WRNIP1: variants seen among roughly 807,000 people sequenced by gnomAD.
The protein encoded by WRNIP1 is WRN helicase interacting protein 1.
A neutral mutation model predicts 56.1 loss-of-function variants in WRNIP1; 41 were observed. That is an observed-to-expected ratio of 0.73 (90% CI 0.57 to 0.95). The LOEUF is 0.95. Among genes scored for constraint, WRNIP1 ranks in the 40% least tolerant of loss-of-function variants. WRNIP1 has a pLI of 0.00. For synonymous variants in WRNIP1, 547 were observed against 398.1 expected (o/e 1.37, Z -4.45); for missense variants, 1,170 against 939.4 (o/e 1.25, Z -3.21).
Position 2,765,562 on chromosome 6 carries a change from GCCT to G in WRNIP1, c.-58_-56del. The G allele has an allele frequency of 7.2e-7, 1 of 1,392,508 alleles. No individual in the cohort carries two copies. Among genetic ancestry groups the G allele is most frequent in the South Asian group, 1.5e-5 (1 of 65,944 alleles). The allele number at this position is 1,392,508 out of a possible 1,614,324, so 86.3% of individuals were successfully genotyped here. ...CGGGGCCTAGCGGAGGGCATCGAAG[GCCT>G]CCGCGTGCGCACGGGTTGCTGCGGC... On this transcript the variant is annotated 5_prime_UTR_variant, in exon 1 of 7. Transcript: ENST00000380773.
intron 3 of WRNIP1, chr6:2,774,273 A>C (rs1581137466): frequency 2.0e-6 from 2 of 985,442 alleles, no homozygotes; most frequent in African/African-American, 1.7e-5. Flanking sequence ...CCTTGGATGC[A>C]CTTCCTGTGG....
At position 2,770,146 on chromosome 6, in the gene WRNIP1, T is replaced by C. The variant is rs1765212320; in HGVS notation, c.1041T>C (p.Cys347=). 1 of 1,614,108 alleles carries C rather than the reference T, an allele frequency of 6.2e-7. No homozygotes were observed. Among genetic ancestry groups the C allele is most frequent in the Non-Finnish European group, 8.5e-7 (1 of 1,180,036 alleles). Reference sequence around the variant, plus strand: ...ACACTTTCCTTCCTCACGTGGAATGTGGGACGATCACTCTGATTGGGGCAA... The same window carrying C: ...ACACTTTCCTTCCTCACGTGGAATGCGGGACGATCACTCTGATTGGGGCAA... ...QQDTFLPHVE[C]GTITLIGATT... The change falls in exon 3 of 7, where the codon TGT becomes TGC. Residue 347 remains cysteine, a synonymous_variant. Coordinates refer to ENST00000380773, the MANE Select transcript of WRNIP1 (RefSeq NM_020135.3).
chr6:2,784,943 G>C (rs1033810312), intron 6 of WRNIP1, 64 bp from the exon 7 acceptor site: 1 of 1,581,396 alleles, frequency 6.3e-7, no homozygotes, highest in Admixed American at 1.7e-5. Flanking sequence ...TGTATCAGAA[G>C]GGGCTCTGCA....
chr6:2,782,582 G>A (rs1045274547), intron 4 of WRNIP1, among the ~76,000 whole-genome samples: 2 of 152,234 alleles, frequency 1.3e-5, no homozygotes, highest in African/African-American at 4.8e-5. Flanking sequence ...ACCATCCTCC[G>A]CTTTCTCGTG....
At chr6:2,783,626 C>G in intron 5 of WRNIP1, 65 bp downstream of exon 5, 1 of 252,998 alleles carries the variant, frequency 4.0e-6, no homozygotes, top group South Asian at 1.4e-4. Context: ...CTAACAGTTA[C>G]ATCGTGGCTT....
At chr6:2,768,086 G>T (rs1170686713) in intron 1 of WRNIP1, among the ~76,000 whole-genome samples, 1 of 152,136 alleles carries the variant, frequency 6.6e-6, no homozygotes, top group Non-Finnish European at 1.5e-5. Context: ...TGCTTTACCT[G>T]GGTCTCCTTG....
chr6:2,784,110 G>C (rs1581145079), intron 5 of WRNIP1, among the ~76,000 whole-genome samples: 1 of 152,170 alleles, frequency 6.6e-6, no homozygotes, highest in Non-Finnish European at 1.5e-5. Flanking sequence ...TATCCACAAG[G>C]AAACAGTTCT....
chr6:2,770,056 A>G, intron 2 of WRNIP1, 64 bp from the exon 3 acceptor site: 1 of 1,603,104 alleles, frequency 6.2e-7, no homozygotes, highest in East Asian at 2.2e-5. Context: ...TAGCCAACTT[A>G]CATAGGATTC....
At chr6:2,773,681 C>G (rs1765363893) in intron 3 of WRNIP1, 1 of 985,328 alleles carries the variant, frequency 1.0e-6, no homozygotes. Context: ...AAAAAGTAAG[C>G]TAGCATTTCG....
Position 2,773,805 on chromosome 6 carries a change from C to CAA in WRNIP1, c.1256+3445_1256+3446dup, listed in dbSNP as rs1765368563. 5.1e-6 allele frequency: 5 copies of CAA among 984,202 alleles called. No individual in the cohort carries two copies. The South Asian group carries it at 2.4e-4, about 46-fold the overall frequency. The allele number at this position is 984,202 out of a possible 1,614,324, so 61.0% of individuals were successfully genotyped here. A position where few individuals can be genotyped will look rare whatever the true frequency, so the allele number is the denominator to read the frequency against. On this transcript the variant is annotated intron_variant, in intron 3 of 6. Transcript: ENST00000380773. ...TTATTTGTGAACCAGATAGAGTATA[C>CAA]AAGTCTTTGGAGATCAAGAGAGTGA... is the stretch of plus-strand genomic sequence containing the variant.
At chr6:2,784,119 C>T in intron 5 of WRNIP1, among the ~76,000 whole-genome samples, 2 of 152,116 alleles carry the variant, frequency 1.3e-5, no homozygotes, top group Admixed American at 1.3e-4. Flanking sequence ...GGAAACAGTT[C>T]TTAACACCAC....
rs1346326941 is a variant in WRNIP1, at chr6:2,770,324, A to G, written c.1219A>G (p.Thr407Ala). The change falls in exon 3 of 7, where the codon ACT becomes GCT. Residue 407 changes from threonine to alanine, a missense_variant. Physicochemically the swap from Thr to Ala is moderately conservative, Grantham distance 58. Coordinates refer to ENST00000380773, the MANE Select transcript of WRNIP1 (RefSeq NM_020135.3). The stretch of plus-strand genomic sequence containing the variant: ...CCACGTCCTAGACTCTAGCCGTCCC[A>G]CTGACCCTCTGAGCCACAGCAGCAA... ...GIHVLDSSRP[T>A]DPLSHSSNSS... is the part of the protein sequence containing the mutation. 6.2e-7 allele frequency: 1 copy of G among 1,614,124 alleles called. No individual in the cohort carries two copies. The highest frequency in any genetic ancestry group is 1.3e-5 in the African/African-American group (1 of 75,038).
intron 1 of WRNIP1, among the ~76,000 whole-genome samples, chr6:2,766,910 C>G (rs914318245): frequency 3.3e-5 from 5 of 152,050 alleles, no homozygotes; most frequent in Admixed American, 3.3e-4. Flanking sequence ...CTTCCTTTTC[C>G]ACTAGTTGTT....
At chr6:2,783,739 C>G (rs995879782) in intron 5 of WRNIP1, among the ~76,000 whole-genome samples, 178 bp downstream of exon 5, 1 of 146,096 alleles carries the variant, frequency 6.8e-6, no homozygotes, top group Non-Finnish European at 1.5e-5. Flanking sequence ...TATGCCTGAG[C>G]TCAGTCGTTT....
Position 2,768,923 on chromosome 6 carries a change from C to T in WRNIP1, c.1014+41C>T, listed in dbSNP as rs779779226. 1.9e-6 allele frequency: 3 copies of T among 1,560,352 alleles called. No homozygotes were observed. The African/African-American group carries it at 4.1e-5, about 21-fold the overall frequency. On this transcript the variant is annotated intron_variant, in intron 2 of 6. Transcript: ENST00000380773. ...TCTACCTTTTGGTCGTTGTGAACAT[C>T]AAACAATATAAAGTGTGTGAGATCA...
At chr6:2,767,268 G>A (rs983125275) in intron 1 of WRNIP1, among the ~76,000 whole-genome samples, 1 of 152,178 alleles carries the variant, frequency 6.6e-6, no homozygotes, top group Non-Finnish European at 1.5e-5. Context: ...AGAAAGCTAA[G>A]AAGTGCTTAA....
chr6:2,784,763 A>G (rs1765669709), intron 6 of WRNIP1, among the ~76,000 whole-genome samples: 1 of 151,996 alleles, frequency 6.6e-6, no homozygotes, highest in South Asian at 2.1e-4. Flanking sequence ...AATTTAATGT[A>G]GTAAAAAGTC....
Position 2,783,653 on chromosome 6 carries a change from T to TTTG in WRNIP1, c.1642+92_1642+93insTTG. On this transcript the variant is annotated intron_variant, in intron 5 of 6. Coordinates refer to ENST00000380773, the MANE Select transcript of WRNIP1 (RefSeq NM_020135.3). The stretch of plus-strand genomic sequence containing the variant: ...TCGTGGCTTTTTTTTTTTTTTTTTT[T>TTTG]GCAGGGCGGGGTGGGCGGGGGTAGC... The TTTG allele has an allele frequency of 3.3e-5, 4 of 120,082 alleles. 1 individual carries two copies. The highest frequency in any genetic ancestry group is 3.5e-4 in the East Asian group (1 of 2,896). 7.4% of individuals were successfully genotyped at this position (120,082 alleles called of 1,614,324 possible).
chr6:2,779,587 T>C lies in WRNIP1; in HGVS notation c.1486+95T>C. ...GAAGCCTGACTGGGTTCCGGAAGCATTCCAGCTGGGTCCAGAGCATTCCAG... is the reference window on the plus strand; with the variant it reads ...GAAGCCTGACTGGGTTCCGGAAGCACTCCAGCTGGGTCCAGAGCATTCCAG... On this transcript the variant is annotated intron_variant, in intron 4 of 6. Coordinates refer to ENST00000380773, the MANE Select transcript of WRNIP1 (RefSeq NM_020135.3). The C allele has an allele frequency of 2.3e-6, 3 of 1,328,342 alleles. No individual in the cohort carries two copies. In the South Asian group the frequency reaches 4.1e-5, roughly 18 times the overall value. The allele number at this position is 1,328,342 out of a possible 1,614,324, so 82.3% of individuals were successfully genotyped here. A position where few individuals can be genotyped will look rare whatever the true frequency, so the allele number is the denominator to read the frequency against.
Sources: allele counts gnomAD v4.1 joint callset (sites outside exome capture counted in the v4.1 genomes callset), GRCh38; gene constraint gnomAD v4.1.1; transcripts MANE v1.5; gene names NCBI Gene and HGNC (gene_info 2026-07-23, HGNC 2026-07-21).